CSDE1: variants seen among roughly 807,000 people sequenced by gnomAD.
CSDE1 encodes cold shock domain containing E1.
In CSDE1, 17 loss-of-function variants were observed where a neutral mutation model predicts 89.3. That is an observed-to-expected ratio of 0.19 (90% CI 0.13 to 0.29). CSDE1 has a LOEUF of 0.29. Ranked by LOEUF, CSDE1 falls within the 10% of genes least tolerant of loss-of-function variation. The pLI is 1.00. For missense variants in CSDE1, 672 were observed against 984.2 expected (o/e 0.68, Z 4.24); for synonymous variants, 322 against 332.8 (o/e 0.97, Z 0.35).
chr1:114,753,512 T>C (rs1253354888), intron 1 of CSDE1, among the ~76,000 whole-genome samples: 4 of 152,222 alleles, frequency 2.6e-5, no homozygotes, highest in Non-Finnish European at 5.9e-5. Context: ...TATCCACTCA[T>C]GCCCGGATTA....
intron 6 of CSDE1, among the ~76,000 whole-genome samples, chr1:114,734,869 T>C (rs1295046493): frequency 6.6e-6 from 1 of 152,232 alleles, no homozygotes; most frequent in East Asian, 1.9e-4. Flanking sequence ...ACAAAGCGAA[T>C]GCTACCAAAG....
At position 114,733,679 on chromosome 1, in the gene CSDE1, T is replaced by C. The variant is rs138962164; in HGVS notation, c.837+53A>G. 193 of 1,514,952 alleles carry C rather than the reference T, an allele frequency of 1.3e-4. 1 individual carries two copies. In the African/African-American group the frequency reaches 2.4e-3, roughly 18 times the overall value. 93.8% of individuals were successfully genotyped at this position (1,514,952 alleles called of 1,614,324 possible). On this transcript the variant is annotated intron_variant, in intron 9 of 19. Coordinates refer to ENST00000358528, the MANE Select transcript of CSDE1 (RefSeq NM_001007553.3). ...TAAAATCTCAGTATACCACACCATA[T>C]TATTCTATTACTACTGAGGCGAAAT...
chr1:114,718,114 CCA>C lies in CSDE1; in HGVS notation c.*53_*54del. The C allele has an allele frequency of 6.3e-7, 1 of 1,588,986 alleles. No homozygotes were observed. Among genetic ancestry groups the C allele is most frequent in the East Asian group, 2.2e-5 (1 of 44,754 alleles). ...AGAGGGAGATATTCAGAACCCTTCA[CCA>C]GATTCCCCCCAACTTGATCATAGTG... On this transcript the variant is annotated 3_prime_UTR_variant, in exon 20 of 20. Coordinates refer to ENST00000358528, the MANE Select transcript of CSDE1 (RefSeq NM_001007553.3).
At chr1:114,757,122 G>A (rs1354128257) in intron 1 of CSDE1, among the ~76,000 whole-genome samples, 2 of 152,304 alleles carry the variant, frequency 1.3e-5, no homozygotes, top group African/African-American at 2.4e-5. Context: ...AAGATAGAGG[G>A]GTGGGAGCCA....
chr1:114,725,447 A>G, intron 14 of CSDE1, 114 bp from the exon 15 acceptor site: 1 of 797,170 alleles, frequency 1.3e-6, no homozygotes, highest in Non-Finnish European at 2.1e-6. Flanking sequence ...TACATTAGAC[A>G]CCATTTTAAG....
chr1:114,752,071 C>T (rs1034785356), intron 1 of CSDE1, among the ~76,000 whole-genome samples: 1 of 152,062 alleles, frequency 6.6e-6, no homozygotes, highest in Non-Finnish European at 1.5e-5. Context: ...TCCAGACCAG[C>T]CTGGGCAACG....
intron 16 of CSDE1, among the ~76,000 whole-genome samples, chr1:114,723,656 G>C (rs1039926840): frequency 6.6e-6 from 1 of 152,182 alleles, no homozygotes; most frequent in East Asian, 1.9e-4. Flanking sequence ...AGTTGCTCAT[G>C]TATCAGTCAT....
chr1:114,733,913 A>T (rs916214730), intron 8 of CSDE1, 56 bp from the exon 9 acceptor site: 35 of 1,607,436 alleles, frequency 2.2e-5, no homozygotes, highest in Non-Finnish European at 2.8e-5. Context: ...GAATCACATA[A>T]TTTTAAGTGT....
chr1:114,717,907 C>A lies in CSDE1; in HGVS notation c.*262G>T. The A allele has an allele frequency of 2.3e-6, 1 of 435,804 alleles. No homozygotes were observed. The allele number at this position is 435,804 out of a possible 1,614,324, so 27.0% of individuals were successfully genotyped here. On this transcript the variant is annotated 3_prime_UTR_variant, in exon 20 of 20. Transcript: ENST00000358528. ...CAATTACCAGTTGCGTTAAATGCAC[C>A]AAATAAAGCTCCTAAAATTGATACT... is the stretch of plus-strand genomic sequence containing the variant.
At chr1:114,742,356 G>A (rs991402562) in intron 2 of CSDE1, among the ~76,000 whole-genome samples, 1 of 152,092 alleles carries the variant, frequency 6.6e-6, no homozygotes, top group Non-Finnish European at 1.5e-5. Flanking sequence ...AGGGAGGCCG[G>A]GGTGGACATG....
intron 2 of CSDE1, chr1:114,741,541 T>G (rs1466050489): frequency 6.5e-7 from 1 of 1,550,094 alleles, no homozygotes; most frequent in Non-Finnish European, 8.7e-7. Flanking sequence ...CTCTGATAAG[T>G]TGGGGTCCTC....
In CSDE1 at chr1:114,718,175, A is replaced by G; in HGVS notation, c.2391T>C (p.Ile797=). Residue 797 remains isoleucine (I), a synonymous_variant, in exon 20 of 20, where the codon ATT becomes ATC. Coordinates refer to ENST00000358528, the MANE Select transcript of CSDE1 (RefSeq NM_001007553.3). ...AERKIRQAGV[I]D ...GTGTGCTTTGTGGATGTGGTTAGTC[A>G]ATGACACCAGCTTGACGGATCTTTC... The G allele has an allele frequency of 6.2e-7, 1 of 1,614,150 alleles. No individual in the cohort carries two copies. Among genetic ancestry groups the G allele is most frequent in the Non-Finnish European group, 8.5e-7 (1 of 1,180,018 alleles).
At chr1:114,723,785 C>T in intron 16 of CSDE1, 98 bp downstream of exon 16, 1 of 1,543,354 alleles carries the variant, frequency 6.5e-7, no homozygotes, top group Non-Finnish European at 8.9e-7. Flanking sequence ...AGTTTTAAAC[C>T]TAAAAACAAC....
In CSDE1 at chr1:114,726,975, T is replaced by C. The variant is rs760264745; in HGVS notation, c.1464+8A>G. Reference sequence around the variant, plus strand: ...TAACCCTCTCTCGAATGAGCAGAATTATCTTGCCTTATCTCCTATTTGAGG... The same window carrying C: ...TAACCCTCTCTCGAATGAGCAGAATCATCTTGCCTTATCTCCTATTTGAGG... On this transcript the variant is annotated splice_region_variant and intron_variant, in intron 13 of 19. Coordinates refer to ENST00000358528, the MANE Select transcript of CSDE1 (RefSeq NM_001007553.3). The C allele has an allele frequency of 6.3e-7, 1 of 1,579,440 alleles. No individual in the cohort carries two copies. Among genetic ancestry groups the C allele is most frequent in the East Asian group, 2.2e-5 (1 of 44,656 alleles).
chr1:114,736,907 T>A, intron 5 of CSDE1, 52 bp from the exon 6 acceptor site: 1 of 1,354,146 alleles, frequency 7.4e-7, no homozygotes, highest in South Asian at 1.3e-5. Context: ...ATATTCACTG[T>A]ATACTGTGAT....
chr1:114,718,829 A>G lies in CSDE1; in HGVS notation c.2217-84T>C, dbSNP rs191701068. 2.8e-5 allele frequency: 42 copies of G among 1,488,266 alleles called. No homozygotes were observed. The African/African-American group carries it at 4.8e-4, about 17-fold the overall frequency. The allele number at this position is 1,488,266 out of a possible 1,614,324, so 92.2% of individuals were successfully genotyped here. On this transcript the variant is annotated intron_variant, in intron 18 of 19. Coordinates refer to ENST00000358528, the MANE Select transcript of CSDE1 (RefSeq NM_001007553.3). ...TGCAAAGGAGTGTGTTTTCCACCTA[A>G]CTGCCCAAATGACTCACTTTTTATG...
Position 114,754,253 on chromosome 1 carries a change from A to G in CSDE1, c.-388+3672T>C, listed in dbSNP as rs532397695. Among the ~76,000 whole-genome samples the G allele has an allele frequency of 3.9e-5, 6 of 152,198 alleles. No homozygotes were observed. The South Asian group carries it at 6.2e-4, about 16-fold the overall frequency. On this transcript the variant is annotated intron_variant, in intron 1 of 19. Coordinates refer to ENST00000358528, the MANE Select transcript of CSDE1 (RefSeq NM_001007553.3). ...AGTGACCCACCTGCCTCAGCCCCCC[A>G]AAGTGCTGGGATTACAGGCGTGAGC...
At chr1:114,754,837 T>C (rs1558011629) in intron 1 of CSDE1, among the ~76,000 whole-genome samples, 1 of 152,212 alleles carries the variant, frequency 6.6e-6, no homozygotes, top group African/African-American at 2.4e-5. Context: ...ATATTTAAAA[T>C]TATCTATCAC....
intron 1 of CSDE1, among the ~76,000 whole-genome samples, chr1:114,757,657 C>T (rs962043894): frequency 6.6e-6 from 1 of 152,124 alleles, no homozygotes; most frequent in African/African-American, 2.4e-5. Flanking sequence ...TCCCTCCCCC[C>T]ACTTTAGTCA....
Sources: allele counts gnomAD v4.1 joint callset (sites outside exome capture counted in the v4.1 genomes callset), GRCh38; gene constraint gnomAD v4.1.1; transcripts MANE v1.5; gene names NCBI Gene and HGNC (gene_info 2026-07-23, HGNC 2026-07-21).